ITSN1: variants seen among roughly 807,000 people sequenced by gnomAD.
ITSN1 encodes the protein intersectin 1, also known as intersectin-1.
ITSN1 carries 58 observed loss-of-function variants against 239.8 expected under a neutral mutation model. That is an observed-to-expected ratio of 0.24 (90% CI 0.20 to 0.30). The LOEUF is 0.30. ITSN1 is among the 10% of genes least tolerant of loss of function. The pLI, the probability that ITSN1 is intolerant of heterozygous loss-of-function variation, is 1.00. For missense variants in ITSN1, 1,558 were observed against 2,103.3 expected (o/e 0.74, Z 5.07); for synonymous variants, 780 against 770.8 (o/e 1.01, Z -0.20).
At position 33,815,872 on chromosome 21, in the gene ITSN1, G is replaced by A. The variant is rs115948088; in HGVS notation, c.2727+1800G>A. Among the ~76,000 whole-genome samples, 779 of 121,958 alleles carry A rather than the reference G, an allele frequency of 6.4e-3. 7 individuals are homozygous for A. The highest frequency in any genetic ancestry group is 0.019 in the African/African-American group (739 of 39,120). 80.0% of individuals were successfully genotyped at this position (121,958 alleles called of 152,430 possible). A position where few individuals can be genotyped will look rare whatever the true frequency, so the allele number is the denominator to read the frequency against. On this transcript the variant is annotated intron_variant, in intron 22 of 39. Transcript: ENST00000381318. Reference sequence around the variant, plus strand: ...GTGTAGAAGAGGTTTGGGAGCAGGCGAATGAGGGATCCGACAAAGAAGAAT... The same window carrying A: ...GTGTAGAAGAGGTTTGGGAGCAGGCAAATGAGGGATCCGACAAAGAAGAAT...
chr21:33,643,041 C>T (rs2087553128), intron 1 of ITSN1, among the ~76,000 whole-genome samples: 3 of 149,580 alleles, frequency 2.0e-5, no homozygotes, highest in South Asian at 2.1e-4. Context: ...GAGCGGGCTC[C>T]CTCCTCTCGC....
intron 1 of ITSN1, among the ~76,000 whole-genome samples, chr21:33,706,154 G>A (rs1230181587): frequency 6.6e-6 from 1 of 151,874 alleles, no homozygotes; most frequent in African/African-American, 2.4e-5. Flanking sequence ...CGAGTAGCTG[G>A]GATTACAGGC....
chr21:33,836,962 T>A (rs772760624), intron 29 of ITSN1: 1 of 1,599,988 alleles, frequency 6.3e-7, no homozygotes, highest in Non-Finnish European at 8.6e-7. Flanking sequence ...GTTTTGCTTA[T>A]GTGTTGTTTT....
intron 29 of ITSN1, among the ~76,000 whole-genome samples, chr21:33,842,888 A>C (rs1372278417): frequency 1.3e-5 from 2 of 152,020 alleles, no homozygotes; most frequent in African/African-American, 4.8e-5. Flanking sequence ...GAGAGGATGA[A>C]ACCCCTGACG....
chr21:33,696,821 A>G (rs1169533393), intron 1 of ITSN1, among the ~76,000 whole-genome samples: 2 of 152,100 alleles, frequency 1.3e-5, no homozygotes, highest in Admixed American at 1.3e-4. Flanking sequence ...TTCTCTGCTT[A>G]CCTTTAACCA....
At chr21:33,662,887 A>G (rs2089666160) in intron 1 of ITSN1, among the ~76,000 whole-genome samples, 2 of 152,316 alleles carry the variant, frequency 1.3e-5, no homozygotes, top group South Asian at 4.1e-4. Context: ...AGATGACAAG[A>G]TCCTTGTGTT....
chr21:33,846,628 T>A (rs560014249), intron 29 of ITSN1, among the ~76,000 whole-genome samples: 2 of 152,236 alleles, frequency 1.3e-5, no homozygotes, highest in South Asian at 4.1e-4. Context: ...CTCTTGCCAG[T>A]TGCTCAGGAA....
intron 1 of ITSN1, among the ~76,000 whole-genome samples, chr21:33,700,803 A>G (rs2091972831): frequency 6.6e-6 from 1 of 152,212 alleles, no homozygotes; most frequent in African/African-American, 2.4e-5. Context: ...GGGATGGTCA[A>G]TAATTAAGTG....
At position 33,895,700 on chromosome 21, in the gene ITSN1, TGTGCGC is replaced by T. The variant is rs1031210851; in HGVS notation, c.*7406_*7411del. The T allele has an allele frequency of 2.6e-5, 4 of 151,604 alleles. No homozygotes were observed. Among genetic ancestry groups the T allele is most frequent in the Non-Finnish European group, 4.4e-5 (3 of 67,892 alleles). The allele number at this position is 151,604 out of a possible 1,614,324, so 9.4% of individuals were successfully genotyped here. On this transcript the variant is annotated 3_prime_UTR_variant, in exon 40 of 40. Transcript: ENST00000381318. ...GTGTGTGCGTGCATATGTGTATGTG[TGTGCGC>T]GTGCGTGTGCGTGCATGTGTGCGCA...
At chr21:33,815,039 C>T (rs73900368) in intron 22 of ITSN1, among the ~76,000 whole-genome samples, 2,828 of 152,134 alleles carry the variant, frequency 0.019, 82 homozygotes, top group African/African-American at 0.064. Context: ...GAAATGAATG[C>T]GCAGTTAAAG....
At position 33,875,156 on chromosome 21, in the gene ITSN1, C is replaced by T. The variant is rs2298679; in HGVS notation, c.4174-198C>T. ...CCATTCACTGCTTCCCGCAATGCCA[C>T]CCACTGGAGCCATCAAGGAGTGGCC... On this transcript the variant is annotated intron_variant, in intron 33 of 39. Transcript: ENST00000381318. Among the ~76,000 whole-genome samples the T allele has an allele frequency of 0.31, 47,331 of 151,990 alleles. 9,989 individuals carry two copies. The highest frequency in any genetic ancestry group is 0.61 in the African/African-American group (25,302 of 41,414).
chr21:33,672,222 A>G (rs934356659), intron 1 of ITSN1, among the ~76,000 whole-genome samples: 4 of 152,198 alleles, frequency 2.6e-5, no homozygotes, highest in Non-Finnish European at 4.4e-5. Flanking sequence ...TGTCTAAAAA[A>G]AAAAAAAGAA....
At chr21:33,811,276 TC>T (rs1191374625) in intron 21 of ITSN1, 54 bp downstream of exon 21, 13 of 1,499,488 alleles carry the variant, frequency 8.7e-6, no homozygotes, top group African/African-American at 4.2e-5. Flanking sequence ...TTTGATCATT[TC>T]CCCCCCACCC....
chr21:33,670,607 C>A (rs2090207682), intron 1 of ITSN1, among the ~76,000 whole-genome samples: 1 of 152,146 alleles, frequency 6.6e-6, no homozygotes, highest in African/African-American at 2.4e-5. Flanking sequence ...TGCATACATG[C>A]ATGAATCATT....
chr21:33,811,835 T>C lies in ITSN1; in HGVS notation c.2567+613T>C, dbSNP rs184730272. Among the ~76,000 whole-genome samples the C allele has an allele frequency of 1.9e-3, 285 of 152,358 alleles. 4 individuals carry two copies. Among genetic ancestry groups the C allele is most frequent in the Non-Finnish European group, 1.3e-4 (9 of 68,022 alleles). ...AAATGGTTGTTCAGACTTCCAGTTA[T>C]AGGGCCATGACCTAGATGAGCAATT... is the stretch of plus-strand genomic sequence containing the variant. On this transcript the variant is annotated intron_variant, in intron 21 of 39. Coordinates refer to ENST00000381318, the MANE Select transcript of ITSN1 (RefSeq NM_003024.3).
Position 33,841,110 on chromosome 21 carries a change from A to G in ITSN1, c.3661+4478A>G, listed in dbSNP as rs1270277002. ...CGATCTAAAGCAGTAACTCGGCCCT[A>G]TGTTAAGTCACAAAATATCTAACCA... On this transcript the variant is annotated intron_variant, in intron 29 of 39. Transcript: ENST00000381318. 2.0e-5 allele frequency among the ~76,000 whole-genome samples: 3 copies of G among 152,344 alleles called. No individual in the cohort carries two copies. In the East Asian group the frequency reaches 5.8e-4, roughly 29 times the overall value.
chr21:33,848,354 G>A (rs757084577), intron 29 of ITSN1, among the ~76,000 whole-genome samples: 4 of 152,222 alleles, frequency 2.6e-5, no homozygotes, highest in Non-Finnish European at 5.9e-5. Flanking sequence ...CGAGGAGAGA[G>A]GCCTCAGGAG....
chr21:33,754,145 G>A (rs1160181927), intron 7 of ITSN1: 2 of 152,018 alleles, frequency 1.3e-5, no homozygotes, highest in Non-Finnish European at 2.9e-5. Flanking sequence ...CAAATAGGTG[G>A]GAGTTGGAAT....
chr21:33,881,974 AAC>A (rs1569340508), intron 34 of ITSN1, among the ~76,000 whole-genome samples: 1 of 151,886 alleles, frequency 6.6e-6, no homozygotes, highest in African/African-American at 2.4e-5. Flanking sequence ...GAAAAGAAAA[AAC>A]ACACCAGTTG....
Sources: allele counts gnomAD v4.1 joint callset (sites outside exome capture counted in the v4.1 genomes callset), GRCh38; gene constraint gnomAD v4.1.1; transcripts MANE v1.5; gene names NCBI Gene and HGNC (gene_info 2026-07-23, HGNC 2026-07-21).